The following HSPA13 variants were observed in gnomAD, a reference collection of about 807,000 sequenced individuals.
The protein encoded by HSPA13 is heat shock protein family A (Hsp70) member 13.
A neutral mutation model predicts 38.8 loss-of-function variants in HSPA13; 29 were observed. The observed-to-expected ratio is 0.75, with a 90% CI of 0.56 to 1.02. HSPA13 has a LOEUF of 1.02. Among genes scored for constraint, HSPA13 ranks in the 50% least tolerant of loss-of-function variants. The pLI is 0.00. For missense variants in HSPA13, 451 were observed against 560.9 expected, an observed-to-expected ratio of 0.80 and a Z score of 1.98; for synonymous variants, 192 against 205.3, an observed-to-expected ratio of 0.94 and a Z score of 0.56.
intron 1 of HSPA13, among the ~76,000 whole-genome samples, chr21:14,382,885 T>C (rs1231522233): frequency 2.0e-5 from 3 of 152,084 alleles, no homozygotes; most frequent in Non-Finnish European, 4.4e-5. Context: ...CCGTCTATCC[T>C]ACCTTGGCCT....
Position 14,378,262 on chromosome 21 carries a change from A to G in HSPA13, c.517T>C (p.Ser173Pro). The change falls in exon 3 of 5, where the codon TCT becomes CCT. Residue 173 changes from serine to proline, a missense_variant. Transcript: ENST00000285667. ...TTTAGATCAAATTCTGCTGGTACAG[A>G]AATGACAGCATTGGCAACTGGCATT... ...LGMPVANAVI[S>P]VPAEFDLKQR... The G allele has an allele frequency of 1.2e-6, 2 of 1,614,184 alleles. No individual in the cohort carries two copies. The highest frequency in any genetic ancestry group is 1.7e-6 in the Non-Finnish European group (2 of 1,180,000).
Position 14,378,213 on chromosome 21 carries a change from G to A in HSPA13, c.566C>T (p.Ala189Val). The change falls in exon 3 of 5, where the codon GCT (alanine) becomes GTT (valine). Residue 189 changes from alanine (A) to valine (V), a missense_variant. Coordinates refer to ENST00000285667, the MANE Select transcript of HSPA13 (RefSeq NM_006948.5). The part of the protein sequence containing the change: ...DLKQRNSTIE[A>V]ANLAGLKILR... ...GGTACTGTTACCTGCAAGGTTAGCA[G>A]CTTCAATTGTTGAATTTCTCTGTTT... 3 of 1,613,714 alleles carry A rather than the reference G, an allele frequency of 1.9e-6. No homozygotes were observed. The highest frequency in any genetic ancestry group is 2.5e-6 in the Non-Finnish European group (3 of 1,179,620).
At chr21:14,375,219 C>G (rs1339464715) in intron 4 of HSPA13, among the ~76,000 whole-genome samples, 1 of 152,108 alleles carries the variant, frequency 6.6e-6, no homozygotes, top group Non-Finnish European at 1.5e-5. Context: ...CCTCTGTTCC[C>G]TTTCTTCACC....
rs748545362 is a variant in HSPA13, at chr21:14,381,395, A to T, written c.174T>A (p.Ile58=). ...FFPGTGKVKV[I]PDENGHISIP... The stretch of plus-strand genomic sequence containing the variant: ...TGCTGATATGCCCATTTTCATCTGG[A>T]ATCACCTTTACTTTTCCTGTGCCAG... The change falls in exon 2 of 5, where the codon ATT becomes ATA. Residue 58 remains isoleucine (I), a synonymous_variant. Coordinates refer to ENST00000285667, the MANE Select transcript of HSPA13 (RefSeq NM_006948.5). 6.2e-7 allele frequency: 1 copy of T among 1,614,118 alleles called. No individual in the cohort carries two copies. The highest frequency in any genetic ancestry group is 1.7e-5 in the Admixed American group (1 of 60,016).
intron 4 of HSPA13, among the ~76,000 whole-genome samples, 155 bp downstream of exon 4, chr21:14,375,497 T>A: frequency 6.7e-6 from 1 of 149,598 alleles, no homozygotes; most frequent in Non-Finnish European, 1.5e-5. Context: ...TGTAATTTTT[T>A]TTTTTTTTTT....
chr21:14,374,015 G>A lies in HSPA13; in HGVS notation c.1018C>T (p.Arg340Cys), dbSNP rs141527486. Residue 340 changes from arginine to cysteine, a missense_variant, in exon 5 of 5, where the codon CGC becomes TGC. Transcript: ENST00000285667. ...CCACGTCCAAACCCACTGTTCACGC[G>A]ATGGTCATCTGCTGAGGAAAGTTTG... The part of the protein sequence containing the change: ...KDKLSSADDH[R>C]VNSGFGRGLS... The A allele has an allele frequency of 3.5e-5, 56 of 1,614,048 alleles. No individual in the cohort carries two copies. Among genetic ancestry groups the A allele is most frequent in the Non-Finnish European group, 4.4e-5 (52 of 1,180,036 alleles).
chr21:14,378,672 T>G (rs1165255976), intron 2 of HSPA13, among the ~76,000 whole-genome samples: 69 of 151,248 alleles, frequency 4.6e-4, no homozygotes, highest in Non-Finnish European at 7.4e-5. Context: ...CACGCTGGAG[T>G]GCGGTGGCAT....
rs747161065 is a variant in HSPA13 at position 14,374,001 on chromosome 21, C to T, written c.1032G>A (p.Gly344=). The change falls in exon 5 of 5, where the codon GGG becomes GGA. Residue 344 remains glycine (G), a synonymous_variant. Coordinates refer to ENST00000285667, the MANE Select transcript of HSPA13 (RefSeq NM_006948.5). ...SSADDHRVNS[G]FGRGLSDKKS... ...TCTTATCAGAAAGGCCACGTCCAAA[C>T]CCACTGTTCACGCGATGGTCATCTG... is the stretch of plus-strand genomic sequence containing the variant. 37 of 1,614,226 alleles carry T rather than the reference C, an allele frequency of 2.3e-5. No individual in the cohort carries two copies. In the Middle Eastern group the frequency reaches 9.9e-4, roughly 43 times the overall value.
rs184292363 is a variant in HSPA13, at chr21:14,379,505, T to C, written c.367-1093A>G. ...CTAAGATACAAATATACCAGAACCA[T>C]CAGTGCCCACATGAAACAAAAACAA... On this transcript the variant is annotated intron_variant, in intron 2 of 4. Coordinates refer to ENST00000285667, the MANE Select transcript of HSPA13 (RefSeq NM_006948.5). Among the ~76,000 whole-genome samples, 65 of 152,180 alleles carry C rather than the reference T, an allele frequency of 4.3e-4. 1 individual carries two copies. Among genetic ancestry groups the C allele is most frequent in the Non-Finnish European group, 8.1e-4 (55 of 67,986 alleles).
At position 14,381,253 on chromosome 21, in the gene HSPA13, T is replaced by C; in HGVS notation, c.316A>G (p.Ile106Val). The C allele has an allele frequency of 6.2e-7, 1 of 1,611,888 alleles. No individual in the cohort carries two copies. Among genetic ancestry groups the C allele is most frequent in the African/African-American group, 1.3e-5 (1 of 75,042 alleles). Residue 106 changes from isoleucine to valine, a missense_variant, in exon 2 of 5, where the codon ATT (isoleucine) becomes GTT (valine). Ile to Val is a conservative substitution (Grantham distance 29). Coordinates refer to ENST00000285667, the MANE Select transcript of HSPA13 (RefSeq NM_006948.5). Reference protein sequence around the residue: ...IYDAKRFIGKIFTAEELEAEI... With the variant: ...IYDAKRFIGKVFTAEELEAEI... ...GCCTCCAACTCTTCTGCGGTAAAAA[T>C]CTTGCCTATGAATCTTTTGGCATCA...
intron 4 of HSPA13, among the ~76,000 whole-genome samples, 153 bp downstream of exon 4, chr21:14,375,499 T>C (rs1275754329): frequency 6.7e-6 from 1 of 149,756 alleles, no homozygotes; most frequent in East Asian, 1.9e-4. Context: ...TAATTTTTTT[T>C]TTTTTTTTTT....
rs1398499976 is a variant in HSPA13 at position 14,371,443 on chromosome 21, A to G, written c.*2174T>C. On this transcript the variant is annotated 3_prime_UTR_variant, in exon 5 of 5. Transcript: ENST00000285667. ...AAAGACTTCAGATTGTTATTCATAA[A>G]TGATCCCTTTCAGGATGCATTATCT... 1.3e-5 allele frequency: 2 copies of G among 152,194 alleles called. No homozygotes were observed. Among genetic ancestry groups the G allele is most frequent in the African/African-American group, 4.8e-5 (2 of 41,468 alleles). 9.4% of individuals were successfully genotyped at this position (152,194 alleles called of 1,614,324 possible).
At chr21:14,375,033 G>T (rs570854882) in intron 4 of HSPA13, among the ~76,000 whole-genome samples, 1 of 152,238 alleles carries the variant, frequency 6.6e-6, no homozygotes, top group South Asian at 2.1e-4. Flanking sequence ...TGTCAAACAG[G>T]TTGAATCCCT....
chr21:14,381,415 T>C lies in HSPA13; in HGVS notation c.154A>G (p.Thr52Ala). ...TCTGGAATCACCTTTACTTTTCCTG[T>C]GCCAGGAAAAAACACCCCAACAGAA... is the stretch of plus-strand genomic sequence containing the variant. The part of the protein sequence containing the change: ...YCSVGVFFPG[T>A]GKVKVIPDEN... Residue 52 changes from threonine (T) to alanine (A), a missense_variant, in exon 2 of 5, where the codon ACA becomes GCA. Physicochemically the swap from Thr to Ala is moderately conservative, Grantham distance 58. Coordinates refer to ENST00000285667, the MANE Select transcript of HSPA13 (RefSeq NM_006948.5). 1 of 1,614,098 alleles carries C rather than the reference T, an allele frequency of 6.2e-7. No individual in the cohort carries two copies. Among genetic ancestry groups the C allele is most frequent in the African/African-American group, 1.3e-5 (1 of 75,012 alleles).
rs769857498 is a variant in HSPA13, at chr21:14,374,140, T to C, written c.893A>G (p.Asn298Ser). The C allele has an allele frequency of 3.1e-6, 5 of 1,614,138 alleles. No individual in the cohort carries two copies. The highest frequency in any genetic ancestry group is 1.1e-5 in the South Asian group (1 of 91,076). ...LRQAVEMVKLNLTLHQSAQLS... is the reference protein window; with the variant it reads ...LRQAVEMVKLSLTLHQSAQLS... Reference sequence around the variant, plus strand: ...CTGAGCAGATTGATGAAGAGTCAGATTTAATTTGACCATTTCCACAGCTTG... The same window carrying C: ...CTGAGCAGATTGATGAAGAGTCAGACTTAATTTGACCATTTCCACAGCTTG... Residue 298 changes from asparagine (N) to serine (S), a missense_variant, in exon 5 of 5, where the codon AAT (asparagine) becomes AGT (serine). Coordinates refer to ENST00000285667, the MANE Select transcript of HSPA13 (RefSeq NM_006948.5).
chr21:14,375,788 G>A lies in HSPA13; in HGVS notation c.612C>T (p.Pro204=). The A allele has an allele frequency of 6.2e-7, 1 of 1,613,884 alleles. No homozygotes were observed. Among genetic ancestry groups the A allele is most frequent in the Non-Finnish European group, 8.5e-7 (1 of 1,179,862 alleles). ...GACCATAGGCCATAGCTGCTGCTGT[G>A]GGTTCATTTATTACCCTCAAAATCT... The part of the protein sequence containing the change: ...GLKILRVINE[P]TAAAMAYGLH... The change falls in exon 4 of 5, where the codon CCC becomes CCT. Residue 204 remains proline, a synonymous_variant. Transcript: ENST00000285667.
In HSPA13 at chr21:14,376,341, A is replaced by G. The variant is rs533290408; in HGVS notation, c.581-522T>C. Among the ~76,000 whole-genome samples, 9 of 152,304 alleles carry G rather than the reference A, an allele frequency of 5.9e-5. No homozygotes were observed. In the East Asian group the frequency reaches 1.5e-3, roughly 26 times the overall value. On this transcript the variant is annotated intron_variant, in intron 3 of 4. Transcript: ENST00000285667. ...GGCGGGAGAATGGCGTGAACCCGGG[A>G]GGCGGAGCTTGCAGTGAGCCGAGAT...
Position 14,378,192 on chromosome 21 carries a change from C to A in HSPA13, c.580+7G>T. On this transcript the variant is annotated splice_region_variant and intron_variant, in intron 3 of 4. Transcript: ENST00000285667. The stretch of plus-strand genomic sequence containing the variant: ...GAAAAATGCATCTCAGTCAAGGGTA[C>A]TGTTACCTGCAAGGTTAGCAGCTTC... 6.2e-7 allele frequency: 1 copy of A among 1,608,516 alleles called. No individual in the cohort carries two copies. Among genetic ancestry groups the A allele is most frequent in the Non-Finnish European group, 8.5e-7 (1 of 1,174,946 alleles).
At chr21:14,374,400 T>G (rs901245044) in intron 4 of HSPA13, 116 bp from the exon 5 acceptor site, 1 of 749,572 alleles carries the variant, frequency 1.3e-6, no homozygotes. Flanking sequence ...CTGTTTCATG[T>G]ATCATTACAA....
Sources: allele counts gnomAD v4.1 joint callset (sites outside exome capture counted in the v4.1 genomes callset), GRCh38; gene constraint gnomAD v4.1.1; transcripts MANE v1.5; gene names NCBI Gene and HGNC (gene_info 2026-07-23, HGNC 2026-07-21).